CFAP20DC: variants seen among roughly 807,000 people sequenced by gnomAD.
CFAP20DC encodes CFAP20 domain containing, also known as protein CFAP20DC.
In CFAP20DC, 84 loss-of-function variants were observed where a neutral mutation model predicts 101.7. The observed-to-expected ratio is 0.83, with a 90% CI of 0.69 to 0.99. The LOEUF (loss-of-function observed/expected upper bound fraction) is 0.99, where lower values mean the gene tolerates loss of function less well. Ranked by LOEUF, CFAP20DC falls within the 50% of genes least tolerant of loss-of-function variation. The pLI is 0.00. For synonymous variants in CFAP20DC, 359 were observed against 351.2 expected (o/e 1.02, Z -0.25); for missense variants, 1,007 against 970.3 (o/e 1.04, Z -0.50).
At chr3:59,012,633 TTTGCA>T (rs1195324824) in intron 4 of CFAP20DC, among the ~76,000 whole-genome samples, 1 of 152,188 alleles carries the variant, frequency 6.6e-6, no homozygotes, top group Non-Finnish European at 1.5e-5. Flanking sequence ...TAAAATCAGA[TTTGCA>T]TTTTAGACAT....
At chr3:59,011,270 T>G (rs899200664) in intron 4 of CFAP20DC, among the ~76,000 whole-genome samples, 1 of 151,892 alleles carries the variant, frequency 6.6e-6, no homozygotes, top group African/African-American at 2.4e-5. Context: ...TAGTGGTGCA[T>G]ACCTGTAGTC....
chr3:58,960,242 C>T (rs1474411916), intron 4 of CFAP20DC, among the ~76,000 whole-genome samples: 2 of 152,094 alleles, frequency 1.3e-5, no homozygotes, highest in East Asian at 1.9e-4. Context: ...CCTGTAATCC[C>T]AGCACTTTGG....
At chr3:58,758,055 T>C (rs1327939268) in intron 15 of CFAP20DC, among the ~76,000 whole-genome samples, 2 of 152,138 alleles carry the variant, frequency 1.3e-5, no homozygotes, top group South Asian at 2.1e-4. Flanking sequence ...TTTATGTATC[T>C]AGAACTGTTA....
intron 15 of CFAP20DC, among the ~76,000 whole-genome samples, chr3:58,780,319 G>A (rs543552949): frequency 2.6e-5 from 4 of 152,060 alleles, no homozygotes; most frequent in African/African-American, 4.8e-5. Flanking sequence ...AAGATAAAAT[G>A]TTATGATTAC....
At chr3:58,977,744 A>C (rs930890549) in intron 4 of CFAP20DC, among the ~76,000 whole-genome samples, 1 of 151,928 alleles carries the variant, frequency 6.6e-6, no homozygotes, top group African/African-American at 2.4e-5. Context: ...AAAAAAAAAA[A>C]AGTGGGAGGA....
intron 13 of CFAP20DC, among the ~76,000 whole-genome samples, chr3:58,834,351 T>A (rs181589941): frequency 1.1e-4 from 16 of 152,338 alleles, no homozygotes; most frequent in Non-Finnish European, 2.4e-4. Context: ...ATGTGTCACA[T>A]AGGTATGTTA....
chr3:58,963,467 G>A (rs2091314458), intron 4 of CFAP20DC, among the ~76,000 whole-genome samples: 1 of 151,936 alleles, frequency 6.6e-6, no homozygotes, highest in Non-Finnish European at 1.5e-5. Flanking sequence ...GCATGATCAA[G>A]TAAAACATGT....
intron 4 of CFAP20DC, among the ~76,000 whole-genome samples, chr3:59,005,442 G>C (rs747925896): frequency 1.3e-5 from 2 of 152,296 alleles, no homozygotes; most frequent in Non-Finnish European, 2.9e-5. Context: ...ATACAGACAA[G>C]TTTCAGACAA....
rs539271372 is a variant in CFAP20DC, at chr3:58,724,700, C to T, written c.198-7072G>A. On this transcript the variant is annotated intron_variant, in intron 3 of 3. Transcript: ENST00000486145. The surrounding 1 kb of genome is among the most constrained non-coding windows in gnomAD (Gnocchi z 5.6). ...ATATAGCATGGAGACCAGAGCTCGG[C>T]GCCTTTTGCAGCCTCCATTTTGCAA... 3.4e-4 allele frequency among the ~76,000 whole-genome samples: 52 copies of T among 152,152 alleles called. No homozygotes were observed. The highest frequency in any genetic ancestry group is 6.6e-4 in the Non-Finnish European group (45 of 68,032).
At chr3:58,867,784 C>T in intron 10 of CFAP20DC, 33 bp downstream of exon 10, 2 of 1,612,106 alleles carry the variant, frequency 1.2e-6, no homozygotes, top group Non-Finnish European at 1.7e-6. Context: ...GAATAATATA[C>T]AGATATAAGA....
chr3:58,972,532 T>A (rs1266650502), intron 4 of CFAP20DC, among the ~76,000 whole-genome samples: 1 of 152,216 alleles, frequency 6.6e-6, no homozygotes, highest in Non-Finnish European at 1.5e-5. Context: ...GTGCCATTTT[T>A]ATATATTCTT....
At chr3:58,841,251 A>G (rs1475621715) in intron 13 of CFAP20DC, among the ~76,000 whole-genome samples, 2 of 152,232 alleles carry the variant, frequency 1.3e-5, no homozygotes, top group African/African-American at 4.8e-5. Context: ...GAAGGGTCAG[A>G]AAGACATTTA....
chr3:58,992,023 A>C (rs2092956675), intron 4 of CFAP20DC, among the ~76,000 whole-genome samples: 2 of 152,208 alleles, frequency 1.3e-5, no homozygotes, highest in South Asian at 4.1e-4. Flanking sequence ...CTACAGTATT[A>C]AGTATTTTGT....
At chr3:58,919,578 C>T (rs925680903) in intron 5 of CFAP20DC, among the ~76,000 whole-genome samples, 13 of 152,174 alleles carry the variant, frequency 8.5e-5, no homozygotes, top group African/African-American at 2.2e-4. Flanking sequence ...ATTGAATCTA[C>T]GGATCAATAT....
rs192158316 is a variant in CFAP20DC at position 58,906,027 on chromosome 3, T to C, written c.550+7681A>G. Among the ~76,000 whole-genome samples, 5 of 152,290 alleles carry C rather than the reference T, an allele frequency of 3.3e-5. No homozygotes were observed. The East Asian group carries it at 7.7e-4, about 24-fold the overall frequency. ...AAGTCCTGGCTGTACTACTGAAGAA[T>C]AGTGTGACATTGTGCACCTTACTTG... On this transcript the variant is annotated intron_variant, in intron 6 of 16. Coordinates refer to ENST00000482387, the MANE Select transcript of CFAP20DC (RefSeq NM_001394063.1).
At chr3:58,826,469 C>G (rs558366927) in intron 14 of CFAP20DC, among the ~76,000 whole-genome samples, 3 of 152,134 alleles carry the variant, frequency 2.0e-5, no homozygotes, top group South Asian at 4.2e-4. Context: ...CCCTACACTC[C>G]GACGGGCACT....
At chr3:58,980,336 T>TC (rs1322076090) in intron 4 of CFAP20DC, among the ~76,000 whole-genome samples, 2 of 152,110 alleles carry the variant, frequency 1.3e-5, no homozygotes, top group East Asian at 3.9e-4. Context: ...AAAGAGGGAA[T>TC]CCTCCCTAAC....
intron 4 of CFAP20DC, among the ~76,000 whole-genome samples, chr3:58,976,683 C>T (rs1168025040): frequency 6.6e-6 from 1 of 152,146 alleles, no homozygotes; most frequent in Non-Finnish European, 1.5e-5. Context: ...CCAGCTGGGG[C>T]CCCTGTCTGT....
At chr3:58,980,284 G>A (rs183795952) in intron 4 of CFAP20DC, among the ~76,000 whole-genome samples, 170 of 152,230 alleles carry the variant, frequency 1.1e-3, no homozygotes, top group Non-Finnish European at 2.0e-3. Context: ...GTACAAGGAG[G>A]AGCTGGTACC....
Sources: allele counts gnomAD v4.1 joint callset (sites outside exome capture counted in the v4.1 genomes callset), GRCh38; gene constraint gnomAD v4.1.1; non-coding constraint Gnocchi (gnomAD v3.1); transcripts MANE v1.5; gene names NCBI Gene and HGNC (gene_info 2026-07-23, HGNC 2026-07-21).